Variants in ABHD16A observed in about 807,000 individuals in gnomAD.
The protein encoded by ABHD16A is phosphatidylserine lipase ABHD16A.
Under a neutral mutation model 89.8 loss-of-function variants are expected in ABHD16A, and 47 were observed. That is an observed-to-expected ratio of 0.52 (90% CI 0.41 to 0.67). The LOEUF is 0.67. Among genes scored for constraint, ABHD16A ranks in the 30% least tolerant of loss-of-function variants. The probability of loss-of-function intolerance (pLI) is 0.00; values close to 1 mark genes in which losing one functional copy is unlikely to be tolerated. For synonymous variants in ABHD16A, 251 were observed against 280.4 expected (o/e 0.90, Z 1.05); for missense variants, 580 against 734.6 (o/e 0.79, Z 2.43).
chr6:31,690,743 C>T lies in ABHD16A; in HGVS notation c.844-141G>A, dbSNP rs1042342347. On this transcript the variant is annotated intron_variant, in intron 9 of 19. Transcript: ENST00000395952. This position sits in a 1 kb window ranked among gnomAD's most constrained non-coding sequence, Gnocchi z 4.1. ...CTGTTTTCTCCAAGGGGAATGGAAG[C>T]TTCTCATTCCACAGGGTCCATAAGA... 2.8e-5 allele frequency: 20 copies of T among 726,184 alleles called. No individual in the cohort carries two copies. In the African/African-American group the frequency reaches 3.2e-4, roughly 11 times the overall value. 45.0% of individuals were successfully genotyped at this position (726,184 alleles called of 1,614,324 possible). A position where few individuals can be genotyped will look rare whatever the true frequency, so the allele number is the denominator to read the frequency against.
intron 7 of ABHD16A, 94 bp from the exon 8 acceptor site, chr6:31,692,012 GC>G (rs757091906): frequency 1.3e-5 from 12 of 949,696 alleles, no homozygotes; most frequent in East Asian, 5.3e-5. Context: ...AGACTGTAAG[GC>G]CTGCTTTACC....
At chr6:31,696,216 A>T (rs1053226796) in intron 5 of ABHD16A, among the ~76,000 whole-genome samples, 1 of 151,806 alleles carries the variant, frequency 6.6e-6, no homozygotes, top group Non-Finnish European at 1.5e-5. Context: ...CTGTAATTCC[A>T]GCTACTCAGG....
At position 31,703,265 on chromosome 6, in the gene ABHD16A, C is replaced by T; in HGVS notation, c.17G>A (p.Ser6Asn). The change falls in exon 1 of 20, where the codon AGC becomes AAC. Residue 6 changes from serine to asparagine, a missense_variant. Ser to Asn is a conservative substitution (Grantham distance 46). Coordinates refer to ENST00000395952, the MANE Select transcript of ABHD16A (RefSeq NM_021160.3). MAKLL[S>N]CVLGPRLYKI... Reference sequence around the variant, plus strand: ...GTAGAGCCGGGGGCCTAGGACGCAGCTCAGCAGCTTCGCCATGGCCCCGGC... The same window carrying T: ...GTAGAGCCGGGGGCCTAGGACGCAGTTCAGCAGCTTCGCCATGGCCCCGGC... 4 of 1,366,822 alleles carry T rather than the reference C, an allele frequency of 2.9e-6. No homozygotes were observed. The highest frequency in any genetic ancestry group is 3.8e-6 in the Non-Finnish European group (4 of 1,046,908). 84.7% of individuals were successfully genotyped at this position (1,366,822 alleles called of 1,614,324 possible). A position where few individuals can be genotyped will look rare whatever the true frequency, so the allele number is the denominator to read the frequency against.
chr6:31,691,451 G>A (rs1803866744), intron 9 of ABHD16A, 128 bp downstream of exon 9: 12 of 764,732 alleles, frequency 1.6e-5, no homozygotes, highest in Non-Finnish European at 2.4e-5. Flanking sequence ...GGTCTTTAGC[G>A]TGGAGCTAGG....
In ABHD16A at chr6:31,693,900, A is replaced by C. The variant is rs111401408; in HGVS notation, c.430-468T>G. Among the ~76,000 whole-genome samples, 1 of 152,222 alleles carries C rather than the reference A, an allele frequency of 6.6e-6. No homozygotes were observed. Among genetic ancestry groups the C allele is most frequent in the African/African-American group, 2.4e-5 (1 of 41,454 alleles). ...GACAGAGAGGAGGGAAGTCACGCCC[A>C]CAGTGGGCTCCTCTGCCATGTGGGG... is the stretch of plus-strand genomic sequence containing the variant. On this transcript the variant is annotated intron_variant, in intron 5 of 19. Transcript: ENST00000395952. This position sits in a 1 kb window ranked among gnomAD's most constrained non-coding sequence, Gnocchi z 5.0.
Position 31,687,706 on chromosome 6 carries a change from G to A in ABHD16A, c.1482C>T (p.Asp494=). ...SIYSRWEVEE[D]WCLSVLRSYQ... ...AGGAGCGGAGGACAGACAGACACCA[G>A]TCCTCTTCCACCTCCCATCGGCTAT... Residue 494 remains aspartate, a synonymous_variant, in exon 18 of 20, where the codon GAC becomes GAT. Transcript: ENST00000395952. The surrounding 1 kb of genome is among the most constrained non-coding windows in gnomAD (Gnocchi z 6.3). 1 of 1,612,864 alleles carries A rather than the reference G, an allele frequency of 6.2e-7. No homozygotes were observed. The highest frequency in any genetic ancestry group is 8.5e-7 in the Non-Finnish European group (1 of 1,179,926).
intron 4 of ABHD16A, 147 bp downstream of exon 4, chr6:31,700,795 G>T: frequency 1.6e-6 from 1 of 641,502 alleles, no homozygotes; most frequent in Non-Finnish European, 2.7e-6. Context: ...TATAACCCAA[G>T]TCTTTTAAGG....
intron 1 of ABHD16A, chr6:31,702,819 G>A (rs1429696012): frequency 5.7e-6 from 8 of 1,410,332 alleles, no homozygotes; most frequent in East Asian, 5.6e-5. Context: ...AAAATTCAAC[G>A]GCTCCCCAGT....
intron 3 of ABHD16A, 117 bp from the exon 4 acceptor site, chr6:31,701,145 GGAA>G: frequency 7.6e-7 from 1 of 1,317,034 alleles, no homozygotes; most frequent in Non-Finnish European, 1.1e-6. Context: ...TACCCTAAGA[GGAA>G]GAAGATGCCT....
intron 7 of ABHD16A, 30 bp downstream of exon 7, chr6:31,692,997 A>T (rs767789995): frequency 1.9e-5 from 31 of 1,614,064 alleles, no homozygotes; most frequent in Admixed American, 1.7e-4. Flanking sequence ...CCTCCACCCC[A>T]GTGGGCCTCT....
chr6:31,690,056 G>A lies in ABHD16A; in HGVS notation c.957+22C>T. 1 of 1,570,598 alleles carries A rather than the reference G, an allele frequency of 6.4e-7. No individual in the cohort carries two copies. Among genetic ancestry groups the A allele is most frequent in the Non-Finnish European group, 8.6e-7 (1 of 1,159,368 alleles). On this transcript the variant is annotated intron_variant, in intron 11 of 19. Transcript: ENST00000395952. This position sits in a 1 kb window ranked among gnomAD's most constrained non-coding sequence, Gnocchi z 4.1. ...AACAGACATAATTCAGGAAAAGGAAGGGATTCCTGAGATGGTCTCACCGTG... is the reference window on the plus strand; with the variant it reads ...AACAGACATAATTCAGGAAAAGGAAAGGATTCCTGAGATGGTCTCACCGTG...
rs1272459427 is a variant in ABHD16A at position 31,698,790 on chromosome 6, G to A, written c.344-1757C>T. Among the ~76,000 whole-genome samples the A allele has an allele frequency of 6.6e-6, 1 of 152,022 alleles. No individual in the cohort carries two copies. Among genetic ancestry groups the A allele is most frequent in the Non-Finnish European group, 1.5e-5 (1 of 68,022 alleles). ...AGAGCCCAGCCCTGCAGAGATCAGG[G>A]GGCAGAACACCTCAGGCAGAAGGTC... On this transcript the variant is annotated intron_variant, in intron 4 of 19. Transcript: ENST00000395952. This position sits in a 1 kb window ranked among gnomAD's most constrained non-coding sequence, Gnocchi z 4.1.
intron 4 of ABHD16A, among the ~76,000 whole-genome samples, chr6:31,700,578 T>C (rs754535387): frequency 1.3e-5 from 2 of 152,186 alleles, no homozygotes; most frequent in Non-Finnish European, 2.9e-5. Flanking sequence ...ATATATAGAA[T>C]TGTTGTAGGG....
chr6:31,695,628 C>A (rs1283542613), intron 5 of ABHD16A, among the ~76,000 whole-genome samples: 2 of 152,126 alleles, frequency 1.3e-5, no homozygotes, highest in African/African-American at 2.4e-5. Context: ...GAGGCTGAGG[C>A]AGGAGAATCG....
chr6:31,691,950 C>T, intron 7 of ABHD16A, 32 bp from the exon 8 acceptor site: 1 of 1,535,950 alleles, frequency 6.5e-7, no homozygotes, highest in African/African-American at 1.4e-5. Context: ...AAACCCCAAC[C>T]CTGTTGAGGC....
chr6:31,688,093 C>T lies in ABHD16A; in HGVS notation c.1318G>A (p.Asp440Asn). 1 of 1,612,424 alleles carries T rather than the reference C, an allele frequency of 6.2e-7. No individual in the cohort carries two copies. Among genetic ancestry groups the T allele is most frequent in the Non-Finnish European group, 8.5e-7 (1 of 1,179,002 alleles). The change falls in exon 16 of 20, where the codon GAC becomes AAC. Residue 440 changes from aspartate (D) to asparagine (N), a missense_variant. Physicochemically the swap from Asp to Asn is conservative, Grantham distance 23. Transcript: ENST00000395952. This position sits in a 1 kb window ranked among gnomAD's most constrained non-coding sequence, Gnocchi z 4.9. ...TCATTGCCTCGGTTGGACATGATGT[C>T]CTCAGGAACCCTGGGGGTGAGAAGA... is the stretch of plus-strand genomic sequence containing the variant. ...DEIITTTVPEDIMSNRGNDLL... is the reference protein window; with the variant it reads ...DEIITTTVPENIMSNRGNDLL...
intron 12 of ABHD16A, 90 bp downstream of exon 12, chr6:31,689,491 C>A: frequency 7.0e-7 from 1 of 1,428,562 alleles, no homozygotes; most frequent in South Asian, 1.5e-5. Flanking sequence ...TTCCTTGAGC[C>A]TCCACCCCAC....
chr6:31,701,758 C>T (rs1036304491), intron 2 of ABHD16A, among the ~76,000 whole-genome samples: 1 of 152,160 alleles, frequency 6.6e-6, no homozygotes, highest in African/African-American at 2.4e-5. Flanking sequence ...GTCCCTGCAG[C>T]CAAAGAGGTT....
intron 9 of ABHD16A, 99 bp downstream of exon 9, chr6:31,691,480 T>A: frequency 1.0e-6 from 1 of 1,002,372 alleles, no homozygotes; most frequent in East Asian, 2.6e-5. Flanking sequence ...TTATCCCCAG[T>A]AGTGGTTCCT....
Sources: allele counts gnomAD v4.1 joint callset (sites outside exome capture counted in the v4.1 genomes callset), GRCh38; gene constraint gnomAD v4.1.1; non-coding constraint Gnocchi (gnomAD v3.1); transcripts MANE v1.5; gene names NCBI Gene and HGNC (gene_info 2026-07-23, HGNC 2026-07-21).